The following MNAT1 variants were observed in gnomAD, a reference collection of about 807,000 sequenced individuals.
The protein encoded by MNAT1 is MNAT1 component of CDK activating kinase, also known as CDK-activating kinase assembly factor MAT1.
MNAT1 carries 43 observed loss-of-function variants against 42.0 expected under a neutral mutation model. That is an observed-to-expected ratio of 1.02 (90% CI 0.80 to 1.32). The LOEUF is 1.32. Ranked by LOEUF, MNAT1 falls within the 40% of genes most tolerant of loss-of-function variation. The probability of loss-of-function intolerance (pLI) is 0.00; values close to 1 mark genes in which losing one functional copy is unlikely to be tolerated. For synonymous variants in MNAT1, 118 were observed against 120.0 expected, an observed-to-expected ratio of 0.98 and a Z score of 0.11; for missense variants, 306 against 350.4, an observed-to-expected ratio of 0.87 and a Z score of 1.01.
intron 1 of MNAT1, among the ~76,000 whole-genome samples, chr14:60,774,874 A>G (rs1056168349): frequency 2.0e-5 from 3 of 152,192 alleles, no homozygotes; most frequent in African/African-American, 4.8e-5. Flanking sequence ...GAAATAATCA[A>G]GTATTCTGCT....
intron 7 of MNAT1, among the ~76,000 whole-genome samples, chr14:60,911,527 T>C (rs1464238497): frequency 1.3e-5 from 2 of 152,188 alleles, no homozygotes; most frequent in African/African-American, 2.4e-5. Context: ...TGTTGTGTCT[T>C]TGTTCTCGTT....
intron 7 of MNAT1, among the ~76,000 whole-genome samples, chr14:60,920,375 A>T (rs2035630478): frequency 6.6e-6 from 1 of 152,180 alleles, no homozygotes; most frequent in Non-Finnish European, 1.5e-5. Context: ...AATAATAATG[A>T]AATGTCTTTG....
intron 6 of MNAT1, among the ~76,000 whole-genome samples, chr14:60,860,221 G>GCTT (rs1244059552): frequency 6.6e-6 from 1 of 152,012 alleles, no homozygotes; most frequent in Non-Finnish European, 1.5e-5. Flanking sequence ...CTCTCTTCCT[G>GCTT]CTTCTCTTCC....
chr14:60,845,359 A>G (rs943174714), intron 6 of MNAT1, among the ~76,000 whole-genome samples: 3 of 151,940 alleles, frequency 2.0e-5, no homozygotes, highest in South Asian at 2.1e-4. Flanking sequence ...AATTTCATCT[A>G]AAGTGTATTT....
At chr14:60,776,133 G>C (rs1037654015) in intron 1 of MNAT1, among the ~76,000 whole-genome samples, 1 of 152,192 alleles carries the variant, frequency 6.6e-6, no homozygotes, top group South Asian at 2.1e-4. Context: ...CAAAGGATTG[G>C]TTTTAATTCT....
At chr14:60,965,399 C>T (rs887369641) in intron 7 of MNAT1, among the ~76,000 whole-genome samples, 1 of 152,140 alleles carries the variant, frequency 6.6e-6, no homozygotes, top group Non-Finnish European at 1.5e-5. Flanking sequence ...TTTATATACT[C>T]TTTATGGAAA....
intron 6 of MNAT1, among the ~76,000 whole-genome samples, chr14:60,848,750 A>C (rs531064762): frequency 6.6e-6 from 1 of 152,270 alleles, no homozygotes; most frequent in African/African-American, 2.4e-5. Flanking sequence ...TAAGGCTTAT[A>C]ATAATTAAAG....
chr14:60,765,796 T>G (rs1018784097), intron 1 of MNAT1, among the ~76,000 whole-genome samples: 1 of 152,156 alleles, frequency 6.6e-6, no homozygotes, highest in Non-Finnish European at 1.5e-5. Context: ...TGTTAAAAAT[T>G]TTGAGCTTTT....
At chr14:60,777,437 C>G (rs549463082) in intron 1 of MNAT1, among the ~76,000 whole-genome samples, 6 of 151,014 alleles carry the variant, frequency 4.0e-5, no homozygotes, top group South Asian at 4.2e-4. Context: ...CCCCACCTCT[C>G]CCCCCCCAAA....
chr14:60,842,427 C>G (rs1415411806), intron 6 of MNAT1, among the ~76,000 whole-genome samples: 1 of 152,120 alleles, frequency 6.6e-6, no homozygotes, highest in Non-Finnish European at 1.5e-5. Context: ...CTGGAAATGG[C>G]CCCCATGCAG....
At chr14:60,780,045 T>C (rs1431232509) in intron 1 of MNAT1, 1 of 1,516,024 alleles carries the variant, frequency 6.6e-7, no homozygotes, top group East Asian at 2.3e-5. Context: ...GTGGACGAGT[T>C]CTTCTCATTC....
Position 60,776,768 on chromosome 14 carries a change from G to A in MNAT1, c.90-19449G>A, listed in dbSNP as rs117891381. On this transcript the variant is annotated intron_variant, in intron 1 of 7. Transcript: ENST00000261245. ...ATGAGAATACAGTGATTGTGATCAT[G>A]GCAGGAAAAAGGTGTACAACATTTA... Among the ~76,000 whole-genome samples the A allele has an allele frequency of 8.5e-5, 13 of 152,246 alleles. No individual in the cohort carries two copies. The East Asian group carries it at 2.5e-3, about 29-fold the overall frequency.
intron 1 of MNAT1, among the ~76,000 whole-genome samples, chr14:60,761,326 C>T (rs2030590793): frequency 6.6e-6 from 1 of 152,176 alleles, no homozygotes; most frequent in African/African-American, 2.4e-5. Flanking sequence ...CCTTAAATCA[C>T]AATACCACAA....
Position 60,849,134 on chromosome 14 carries a change from A to G in MNAT1, c.687+30287A>G, listed in dbSNP as rs553177185. On this transcript the variant is annotated intron_variant, in intron 6 of 7. Transcript: ENST00000261245. ...ATTTCTTAAACAGTGTTTGTTTTGG[A>G]TAGTTTTCTTGTTAAGCACATGGAA... 2.6e-5 allele frequency among the ~76,000 whole-genome samples: 4 copies of G among 152,326 alleles called. 1 individual carries two copies. In the South Asian group the frequency reaches 8.3e-4, roughly 32 times the overall value.
chr14:60,830,560 G>A (rs1023701802), intron 6 of MNAT1, among the ~76,000 whole-genome samples: 2 of 152,114 alleles, frequency 1.3e-5, no homozygotes, highest in Non-Finnish European at 2.9e-5. Context: ...AAATGCTCAT[G>A]ACCAGATATT....
At chr14:60,832,480 A>G (rs1198283064) in intron 6 of MNAT1, among the ~76,000 whole-genome samples, 3 of 152,082 alleles carry the variant, frequency 2.0e-5, no homozygotes, top group Middle Eastern at 3.2e-3. Context: ...CAAAGATCAG[A>G]TGGTTGTAGA....
chr14:60,800,036 T>C (rs1322436000), intron 3 of MNAT1, among the ~76,000 whole-genome samples: 2 of 152,178 alleles, frequency 1.3e-5, no homozygotes, highest in African/African-American at 4.8e-5. Flanking sequence ...AGTTCTTCCA[T>C]AAAAGGTACT....
chr14:60,795,780 A>T (rs189795401), intron 1 of MNAT1, among the ~76,000 whole-genome samples: 1 of 152,310 alleles, frequency 6.6e-6, no homozygotes, highest in Non-Finnish European at 1.5e-5. Context: ...CTTACAAGGA[A>T]AGGAAGAAAA....
chr14:60,839,450 C>A (rs943005788), intron 6 of MNAT1, among the ~76,000 whole-genome samples: 1 of 152,214 alleles, frequency 6.6e-6, no homozygotes, highest in Non-Finnish European at 1.5e-5. Context: ...CTGCCTTGCT[C>A]ACCTTCCAGT....
Sources: gnomAD v4.1 joint callset for allele counts (sites outside exome capture counted in the v4.1 genomes callset) on GRCh38, gnomAD v4.1.1 for gene constraint, MANE v1.5 for transcripts, NCBI Gene and HGNC (gene_info 2026-07-23, HGNC 2026-07-21) for gene names.